The following ARAP2 variants were observed in gnomAD, a reference collection of about 807,000 sequenced individuals.
The protein encoded by ARAP2 is ArfGAP with RhoGAP domain, ankyrin repeat and PH domain 2, also known as arf-GAP with Rho-GAP domain, ANK repeat and PH domain-containing protein 2.
A neutral mutation model predicts 194.5 loss-of-function variants in ARAP2; 148 were observed. That is an observed-to-expected ratio of 0.76 (90% CI 0.67 to 0.87). ARAP2 has a LOEUF of 0.87. ARAP2 is among the 40% of genes least tolerant of loss of function. ARAP2 has a pLI of 0.00. For synonymous variants in ARAP2, 695 were observed against 683.5 expected (o/e 1.02, Z -0.26); for missense variants, 2,128 against 1,989.7 (o/e 1.07, Z -1.32).
intron 5 of ARAP2, among the ~76,000 whole-genome samples, chr4:36,043,430 T>C (rs1721208484): frequency 1.3e-5 from 2 of 152,154 alleles, no homozygotes; most frequent in South Asian, 2.1e-4. Context: ...ACAGGAACTT[T>C]AGTCAAGATA....
At chr4:36,109,542 C>T (rs149583293) in intron 26 of ARAP2, among the ~76,000 whole-genome samples, 1 of 151,808 alleles carries the variant, frequency 6.6e-6, no homozygotes, top group African/African-American at 2.4e-5. Context: ...TATTACTTTT[C>T]TTCAAATAAT....
At chr4:36,046,501 G>T (rs769396156) in intron 4 of ARAP2, among the ~76,000 whole-genome samples, 5 of 152,048 alleles carry the variant, frequency 3.3e-5, no homozygotes, top group African/African-American at 7.2e-5. Flanking sequence ...TAGGTGCAGT[G>T]AGCCACTGCA....
intron 27 of ARAP2, among the ~76,000 whole-genome samples, chr4:36,101,903 T>C (rs1172672949): frequency 9.9e-5 from 15 of 151,952 alleles, no homozygotes; most frequent in Non-Finnish European, 7.4e-5. Context: ...CCAGGTGCCT[T>C]TCTTGGTTTC....
At chr4:36,187,399 TATG>T in intron 8 of ARAP2, 49 bp downstream of exon 8, 3 of 1,034,906 alleles carry the variant, frequency 2.9e-6, no homozygotes, top group East Asian at 5.9e-5. Flanking sequence ...GGTTTATTAA[TATG>T]ATTAGTCAGA....
intron 16 of ARAP2, among the ~76,000 whole-genome samples, chr4:36,149,607 T>C (rs570584986): frequency 6.6e-6 from 1 of 152,338 alleles, no homozygotes; most frequent in Non-Finnish European, 1.5e-5. Context: ...AACATATTAA[T>C]ATGCTGATAT....
At chr4:36,158,950 C>G in intron 14 of ARAP2, 86 bp from the exon 15 acceptor site, 1 of 1,232,732 alleles carries the variant, frequency 8.1e-7, no homozygotes, top group Non-Finnish European at 1.1e-6. Flanking sequence ...GAGTTTTGAG[C>G]TAGAAGAAAA....
intron 5 of ARAP2, among the ~76,000 whole-genome samples, chr4:36,027,569 A>G (rs1338381720): frequency 6.6e-6 from 1 of 151,982 alleles, no homozygotes; most frequent in Non-Finnish European, 1.5e-5. Context: ...ACCTAGGGAA[A>G]AAATAACCAC....
intron 23 of ARAP2, among the ~76,000 whole-genome samples, chr4:36,120,379 T>C (rs368241216): frequency 1.3e-5 from 2 of 151,656 alleles, no homozygotes; most frequent in East Asian, 3.9e-4. Context: ...TCTTGTCTTA[T>C]GATAAGTGAT....
Position 36,229,473 on chromosome 4 carries a change from C to T in ARAP2, c.14G>A (p.Ser5Asn). 6.2e-7 allele frequency: 1 copy of T among 1,607,890 alleles called. No homozygotes were observed. The highest frequency in any genetic ancestry group is 8.5e-7 in the Non-Finnish European group (1 of 1,176,304). The change falls in exon 2 of 33, where the codon AGT (serine) becomes AAT (asparagine). Residue 5 changes from serine to asparagine, a missense_variant. Transcript: ENST00000303965. ...ATCTTTTATATCCACATTTACTTCA[C>T]TGACTGAGGACATAATGGTGGCTTC... MSSV[S>N]EVNVDIKDFL...
chr4:36,010,497 A>G (rs539748649), intron 9 of ARAP2, among the ~76,000 whole-genome samples: 10 of 152,130 alleles, frequency 6.6e-5, no homozygotes, highest in African/African-American at 2.4e-4. Context: ...TCCCAGTCCA[A>G]GTTTTACCTC....
At chr4:36,153,949 C>T (rs545699195) in intron 15 of ARAP2, among the ~76,000 whole-genome samples, 6 of 152,194 alleles carry the variant, frequency 3.9e-5, no homozygotes, top group South Asian at 2.1e-4. Flanking sequence ...AACAGTTAAT[C>T]GACATTCCTG....
intron 5 of ARAP2, among the ~76,000 whole-genome samples, chr4:36,211,753 C>T (rs1232712846): frequency 2.6e-5 from 4 of 151,998 alleles, no homozygotes; most frequent in Non-Finnish European, 4.4e-5. Flanking sequence ...ATGAATATTC[C>T]GTTTTCCATG....
intron 5 of ARAP2, among the ~76,000 whole-genome samples, chr4:36,035,531 G>C (rs1282352366): frequency 6.6e-6 from 1 of 152,034 alleles, no homozygotes; most frequent in African/African-American, 2.4e-5. Context: ...TATATGCCTA[G>C]TAATAAAATT....
intron 31 of ARAP2, among the ~76,000 whole-genome samples, chr4:36,078,302 T>G (rs1728697899): frequency 6.6e-6 from 1 of 152,108 alleles, no homozygotes; most frequent in Admixed American, 6.6e-5. Context: ...CCTGAAGGTC[T>G]AAGTCATCTG....
chr4:36,043,794 A>AAGGGAAGGGAAGGGAAGGGAAGG (rs1252513045), intron 5 of ARAP2, among the ~76,000 whole-genome samples: 1 of 26,900 alleles, frequency 3.7e-5, no homozygotes, highest in African/African-American at 1.0e-4. Flanking sequence ...AGAAGAGAAG[A>AAGGGAAGGGAAGGGAAGGGAAGG]GAAGGGAAGG....
intron 5 of ARAP2, among the ~76,000 whole-genome samples, chr4:36,036,776 C>T (rs1223744334): frequency 6.6e-6 from 1 of 152,082 alleles, no homozygotes; most frequent in African/African-American, 2.4e-5. Flanking sequence ...GCTAGTATAG[C>T]TACAAAACCA....
chr4:36,158,783 T>C lies in ARAP2; in HGVS notation c.2699A>G (p.Tyr900Cys). Residue 900 changes from tyrosine (Y) to cysteine (C), a missense_variant, in exon 15 of 33, where the codon TAT becomes TGT. Coordinates refer to ENST00000303965, the MANE Select transcript of ARAP2 (RefSeq NM_015230.4). The stretch of plus-strand genomic sequence containing the variant: ...TTTAGAAGCAGCAGAAGGAGCTTGA[T>C]ATAAAAAGTCACAGAGGAATGTGGA... ...SQSTFLCDFLYQAPSAASKLS... is the reference protein window; with the variant it reads ...SQSTFLCDFLCQAPSAASKLS... The C allele has an allele frequency of 1.2e-6, 2 of 1,612,338 alleles. No individual in the cohort carries two copies. The highest frequency in any genetic ancestry group is 1.7e-6 in the Non-Finnish European group (2 of 1,179,394).
intron 19 of ARAP2, among the ~76,000 whole-genome samples, chr4:36,145,906 ATCTCCAGAT>A (rs1729526659): frequency 6.6e-6 from 1 of 151,928 alleles, no homozygotes; most frequent in South Asian, 2.1e-4. Flanking sequence ...CCAAATTTAT[ATCTCCAGAT>A]ACAACCTCTT....
At chr4:36,089,065 A>G (rs1712775939) in intron 28 of ARAP2, among the ~76,000 whole-genome samples, 1 of 152,048 alleles carries the variant, frequency 6.6e-6, no homozygotes, top group Non-Finnish European at 1.5e-5. Flanking sequence ...CCACCATCCA[A>G]AACAGGAGAA....
Sources: gnomAD v4.1 joint callset for allele counts (sites outside exome capture counted in the v4.1 genomes callset) on GRCh38, gnomAD v4.1.1 for gene constraint, MANE v1.5 for transcripts, NCBI Gene and HGNC (gene_info 2026-07-23, HGNC 2026-07-21) for gene names.